CBLN2: variants seen among roughly 807,000 people sequenced by gnomAD.
The protein encoded by CBLN2 is cerebellin-2.
Under a neutral mutation model 15.0 loss-of-function variants are expected in CBLN2, and 7 were observed. That is an observed-to-expected ratio of 0.47 (90% CI 0.27 to 0.88). The LOEUF (loss-of-function observed/expected upper bound fraction) is 0.88. Among genes scored for constraint, CBLN2 ranks in the 40% least tolerant of loss-of-function variants. The pLI is 0.14. For synonymous variants in CBLN2, 149 were observed against 135.2 expected (o/e 1.10, Z -0.71); for missense variants, 242 against 304.5 (o/e 0.79, Z 1.53).
intron 1 of CBLN2, among the ~76,000 whole-genome samples, chr18:72,611,591 T>C (rs2069622867): frequency 2.0e-5 from 3 of 152,154 alleles, no homozygotes; most frequent in African/African-American, 7.2e-5. Context: ...TAATGGGGTA[T>C]TTGTTTTTGC....
chr18:72,621,803 T>C (rs989642016), intron 1 of CBLN2, among the ~76,000 whole-genome samples: 42 of 152,346 alleles, frequency 2.8e-4, no homozygotes, highest in African/African-American at 9.9e-4. Context: ...GGTTATAGGT[T>C]TCCAATGGTA....
chr18:72,606,190 C>G (rs1448767291), intron 1 of CBLN2, among the ~76,000 whole-genome samples: 1 of 152,120 alleles, frequency 6.6e-6, no homozygotes, highest in Non-Finnish European at 1.5e-5. Flanking sequence ...GCCTTTTATT[C>G]CAAGTCCCAA....
At chr18:72,594,844 C>T (rs2069502641) in intron 1 of CBLN2, among the ~76,000 whole-genome samples, 1 of 152,032 alleles carries the variant, frequency 6.6e-6, no homozygotes, top group South Asian at 2.1e-4. Context: ...TCCATTGATC[C>T]TCTGAATTTC....
chr18:72,582,079 A>G lies in CBLN2; in HGVS notation c.16-43307T>C, dbSNP rs1456382728. ...TCCAAATCTCCACAGGGCTATTTGA[A>G]GCACTCTATTTTTTCCCTGTTCTGT... On this transcript the variant is annotated intron_variant, in intron 1 of 2. Coordinates refer to the CBLN2 transcript ENST00000581073. 2.0e-5 allele frequency among the ~76,000 whole-genome samples: 3 copies of G among 152,314 alleles called. No homozygotes were observed. In the East Asian group the frequency reaches 5.8e-4, roughly 29 times the overall value.
intron 1 of CBLN2, among the ~76,000 whole-genome samples, chr18:72,589,362 A>G (rs1477485477): frequency 6.6e-6 from 1 of 152,232 alleles, no homozygotes; most frequent in Non-Finnish European, 1.5e-5. Context: ...AGTTGATTTC[A>G]TTTGTAATGA....
At chr18:72,607,248 A>G (rs2144949493) in intron 1 of CBLN2, among the ~76,000 whole-genome samples, 1 of 152,276 alleles carries the variant, frequency 6.6e-6, no homozygotes, top group East Asian at 1.9e-4. Flanking sequence ...GAACTGTGAG[A>G]TAAATGCCTT....
chr18:72,573,199 A>G (rs1353286003), intron 1 of CBLN2, among the ~76,000 whole-genome samples: 3 of 152,204 alleles, frequency 2.0e-5, no homozygotes, highest in African/African-American at 7.2e-5. Flanking sequence ...ACAGAATTTC[A>G]AGAGCAGCTG....
intron 1 of CBLN2, among the ~76,000 whole-genome samples, chr18:72,626,524 AC>A (rs1320059533): frequency 1.3e-5 from 2 of 151,948 alleles, no homozygotes; most frequent in Non-Finnish European, 2.9e-5. Flanking sequence ...ACATGGTAAA[AC>A]CCCGTCTCTA....
chr18:72,576,874 A>G (rs755896827), intron 1 of CBLN2, among the ~76,000 whole-genome samples: 1 of 149,134 alleles, frequency 6.7e-6, no homozygotes, highest in Non-Finnish European at 1.5e-5. Context: ...TTATATATTA[A>G]TGACAAATAT....
At chr18:72,541,529 C>T (rs1323065679) in intron 3 of CBLN2, among the ~76,000 whole-genome samples, 2 of 152,174 alleles carry the variant, frequency 1.3e-5, no homozygotes, top group East Asian at 3.9e-4. Context: ...TTTAGGTTTA[C>T]GGAACTCTTA....
At chr18:72,565,151 GA>G (rs1426736038) in intron 1 of CBLN2, among the ~76,000 whole-genome samples, 1 of 152,154 alleles carries the variant, frequency 6.6e-6, no homozygotes, top group Non-Finnish European at 1.5e-5. Flanking sequence ...TACTTTAACT[GA>G]AAGAGAAAGG....
At chr18:72,550,125 T>C (rs2069183161) in intron 1 of CBLN2, among the ~76,000 whole-genome samples, 1 of 152,176 alleles carries the variant, frequency 6.6e-6, no homozygotes, top group Admixed American at 6.5e-5. Flanking sequence ...CCAGAAATGT[T>C]AGGAAGTTAT....
intron 1 of CBLN2, among the ~76,000 whole-genome samples, chr18:72,603,895 G>A (rs1049752150): frequency 6.6e-6 from 1 of 152,126 alleles, no homozygotes; most frequent in African/African-American, 2.4e-5. Context: ...AATGGCCTCT[G>A]GAACTCACTT....
intron 1 of CBLN2, among the ~76,000 whole-genome samples, chr18:72,624,354 C>G (rs933196595): frequency 1.3e-5 from 2 of 152,054 alleles, no homozygotes; most frequent in East Asian, 3.9e-4. Context: ...CTTACTATTG[C>G]AATTACCCTA....
chr18:72,596,266 C>T (rs1347674686), intron 1 of CBLN2, among the ~76,000 whole-genome samples: 1 of 151,596 alleles, frequency 6.6e-6, no homozygotes, highest in Non-Finnish European at 1.5e-5. Context: ...ATTAACACTG[C>T]ATAAACAAAA....
intron 1 of CBLN2, among the ~76,000 whole-genome samples, chr18:72,603,410 G>A (rs1043058315): frequency 6.6e-6 from 1 of 152,138 alleles, no homozygotes; most frequent in Non-Finnish European, 1.5e-5. Flanking sequence ...AGGATTCAGA[G>A]TGTAGATTAC....
chr18:72,619,488 A>G (rs1473288591), intron 1 of CBLN2, among the ~76,000 whole-genome samples: 1 of 152,162 alleles, frequency 6.6e-6, no homozygotes, highest in Non-Finnish European at 1.5e-5. Context: ...AATATAGATG[A>G]TTTTTTGTAC....
rs1335909312 is a variant in CBLN2 at position 72,542,241 on chromosome 18, G to A, written c.-81C>T. 3.0e-6 allele frequency: 3 copies of A among 987,276 alleles called. No individual in the cohort carries two copies. The highest frequency in any genetic ancestry group is 5.1e-5 in the South Asian group (1 of 19,732). 61.2% of individuals were successfully genotyped at this position (987,276 alleles called of 1,614,324 possible). On this transcript the variant is annotated 5_prime_UTR_variant, in exon 3 of 5. Transcript: ENST00000269503. ...GCGGAAGGGCGCGAAGGAACGCGCG[G>A]AGCTCGCAGCAGCCTCCGGGGGCCT...
intron 1 of CBLN2, among the ~76,000 whole-genome samples, chr18:72,551,468 G>C (rs985320905): frequency 7.2e-5 from 11 of 152,122 alleles, no homozygotes; most frequent in African/African-American, 2.7e-4. Flanking sequence ...TCTAAATCTT[G>C]CTTGAAATAG....
Sources: gnomAD v4.1 joint callset for allele counts (sites outside exome capture counted in the v4.1 genomes callset) on GRCh38, gnomAD v4.1.1 for gene constraint, MANE v1.5 for transcripts, NCBI Gene and HGNC (gene_info 2026-07-23, HGNC 2026-07-21) for gene names.